ATP13A3: variants seen among roughly 807,000 people sequenced by gnomAD.
ATP13A3 encodes the protein ATPase 13A3.
ATP13A3 carries 59 observed loss-of-function variants against 158.1 expected under a neutral mutation model. That is an observed-to-expected ratio of 0.37 (90% CI 0.30 to 0.46). ATP13A3 has a LOEUF of 0.46. ATP13A3 is among the 20% of genes least tolerant of loss of function. The pLI is 1.00. For missense variants in ATP13A3, 1,166 were observed against 1,525.2 expected, an observed-to-expected ratio of 0.76 and a Z score of 3.92; for synonymous variants, 491 against 504.3, an observed-to-expected ratio of 0.97 and a Z score of 0.35.
At chr3:194,469,075 G>A (rs1720170213) in intron 2 of ATP13A3, among the ~76,000 whole-genome samples, 1 of 151,352 alleles carries the variant, frequency 6.6e-6, no homozygotes, top group South Asian at 2.1e-4. Flanking sequence ...GGAGGTTGCA[G>A]TAAGCCAAGA....
chr3:194,448,601 T>A lies in ATP13A3; in HGVS notation c.1006A>T (p.Asn336Tyr). Residue 336 changes from asparagine (N) to tyrosine (Y), a missense_variant, in exon 12 of 34, where the codon AAT becomes TAT. Around this residue, in one of 3 missense-constraint regions of ATP13A3, gnomAD observed 997 missense variants for 1,341.2 expected, o/e 0.74. Transcript: ENST00000645319. This position sits in a 1 kb window ranked among gnomAD's most constrained non-coding sequence, Gnocchi z 4.0. ...ATTCCTTTCACATCCACTGAAGGAT[T>A]TGGCAAATTAGTCTTTGTCACTGGA... ...SVPVTKTNLP[N>Y]PSVDVKGIGD... 1 of 1,613,316 alleles carries A rather than the reference T, an allele frequency of 6.2e-7. No homozygotes were observed. Among genetic ancestry groups the A allele is most frequent in the Non-Finnish European group, 8.5e-7 (1 of 1,179,782 alleles).
chr3:194,433,829 T>C lies in ATP13A3; in HGVS notation c.2188A>G (p.Thr730Ala). 1 of 1,614,072 alleles carries C rather than the reference T, an allele frequency of 6.2e-7. No individual in the cohort carries two copies. The highest frequency in any genetic ancestry group is 1.1e-5 in the South Asian group (1 of 91,078). Reference sequence around the variant, plus strand: ...TGCAAATCTTCAAGTACTGCAGGGGTTTCTTGCTTTAATTTGTTCTGCATT... The same window carrying C: ...TGCAAATCTTCAAGTACTGCAGGGGCTTCTTGCTTTAATTTGTTCTGCATT... ...IIMQNKLKQE[T>A]PAVLEDLHKA... The change falls in exon 21 of 34, where the codon ACC becomes GCC. Residue 730 changes from threonine (T) to alanine (A), a missense_variant. Coordinates refer to ENST00000645319, the MANE Select transcript of ATP13A3 (RefSeq NM_001367549.1).
Position 194,448,399 on chromosome 3 carries a change from T to G in ATP13A3, c.1150+58A>C, listed in dbSNP as rs2108899890. ...AGCCCAGAATCTCTTTTTAAACATT[T>G]AGTAGGTATCAAATATGCTGAAACA... On this transcript the variant is annotated intron_variant, in intron 12 of 33. Transcript: ENST00000645319. The surrounding 1 kb of genome is among the most constrained non-coding windows in gnomAD (Gnocchi z 4.0). 1.3e-6 allele frequency: 2 copies of G among 1,568,004 alleles called. No individual in the cohort carries two copies. Among genetic ancestry groups the G allele is most frequent in the Non-Finnish European group, 1.8e-6 (2 of 1,140,730 alleles).
At chr3:194,464,297 G>C (rs368168847) in intron 2 of ATP13A3, among the ~76,000 whole-genome samples, 1 of 152,172 alleles carries the variant, frequency 6.6e-6, no homozygotes, top group East Asian at 1.9e-4. Flanking sequence ...ACTGAACTCA[G>C]TGCCATTGTG....
chr3:194,464,139 C>T (rs1464470111), intron 2 of ATP13A3, among the ~76,000 whole-genome samples: 1 of 152,108 alleles, frequency 6.6e-6, no homozygotes, highest in Non-Finnish European at 1.5e-5. Flanking sequence ...CCAGCCTGGG[C>T]GACAGAGAAA....
intron 29 of ATP13A3, among the ~76,000 whole-genome samples, chr3:194,425,970 G>C (rs904426800): frequency 6.6e-6 from 1 of 152,064 alleles, no homozygotes; most frequent in Non-Finnish European, 1.5e-5. Flanking sequence ...GCGAGTCCCC[G>C]GTGCTGAGAT....
At chr3:194,414,966 G>A (rs956287519) in intron 31 of ATP13A3, among the ~76,000 whole-genome samples, 1 of 152,170 alleles carries the variant, frequency 6.6e-6, no homozygotes, top group Admixed American at 6.5e-5. Context: ...TACAGGTGAA[G>A]CCATGACTCT....
rs775789687 is a variant in ATP13A3 at position 194,453,695 on chromosome 3, C to G, written c.838+11G>C. On this transcript the variant is annotated intron_variant, in intron 10 of 33. Coordinates refer to ENST00000645319, the MANE Select transcript of ATP13A3 (RefSeq NM_001367549.1). ...TTTTTTGATTTATTCTTCCAACATT[C>G]AATTACTTACCTTCATTTACTCTAC... is the stretch of plus-strand genomic sequence containing the variant. 2 of 1,603,808 alleles carry G rather than the reference C, an allele frequency of 1.2e-6. No individual in the cohort carries two copies. The highest frequency in any genetic ancestry group is 1.7e-6 in the Non-Finnish European group (2 of 1,171,410).
chr3:194,463,431 T>C (rs536192075), intron 2 of ATP13A3, among the ~76,000 whole-genome samples: 2 of 152,318 alleles, frequency 1.3e-5, no homozygotes, highest in East Asian at 3.9e-4. Flanking sequence ...AATATAATTT[T>C]ATTTTTGTAA....
chr3:194,416,680 G>A (rs1448578380), intron 31 of ATP13A3, among the ~76,000 whole-genome samples: 1 of 152,050 alleles, frequency 6.6e-6, no homozygotes, highest in Non-Finnish European at 1.5e-5. Context: ...TACAGAAAAA[G>A]CACATAAAGA....
At chr3:194,436,067 T>C (rs903689959) in intron 20 of ATP13A3, among the ~76,000 whole-genome samples, 12 of 152,206 alleles carry the variant, frequency 7.9e-5, no homozygotes, top group Non-Finnish European at 1.6e-4. Flanking sequence ...TATAATATTA[T>C]ACCCATTTGT....
intron 17 of ATP13A3, 98 bp from the exon 18 acceptor site, chr3:194,437,671 G>C (rs1250654397): frequency 1.6e-6 from 2 of 1,247,646 alleles, no homozygotes; most frequent in African/African-American, 3.1e-5. Flanking sequence ...AACATTATTT[G>C]GAAAAGAAAC....
intron 7 of ATP13A3, among the ~76,000 whole-genome samples, chr3:194,456,763 G>A (rs534186231): frequency 1.5e-4 from 23 of 152,162 alleles, no homozygotes; most frequent in African/African-American, 5.5e-4. Context: ...GATCAAGAAA[G>A]ATAAAAATGC....
chr3:194,443,437 T>C (rs554807976), intron 15 of ATP13A3, among the ~76,000 whole-genome samples: 1 of 152,246 alleles, frequency 6.6e-6, no homozygotes, highest in South Asian at 2.1e-4. Context: ...AGAAATAATT[T>C]CTAATATATC....
chr3:194,467,463 C>T (rs57016611), intron 2 of ATP13A3, among the ~76,000 whole-genome samples: 19,564 of 152,134 alleles, frequency 0.13, 3,349 homozygotes, highest in African/African-American at 0.4. Flanking sequence ...TTCTCTAAAA[C>T]GTAGTTGTTT....
At chr3:194,460,889 G>A (rs1452243872) in intron 3 of ATP13A3, 58 bp from the exon 4 acceptor site, 1 of 1,520,370 alleles carries the variant, frequency 6.6e-7, no homozygotes, top group African/African-American at 1.4e-5. Context: ...ATATGGCAGA[G>A]AAACACATTC....
chr3:194,460,028 T>A (rs978558632), intron 4 of ATP13A3, 57 bp from the exon 5 acceptor site: 21 of 1,307,348 alleles, frequency 1.6e-5, no homozygotes, highest in Middle Eastern at 3.9e-4. Flanking sequence ...ACTGCCTATA[T>A]TTTCATTTAT....
upstream of ATP13A3, among the ~76,000 whole-genome samples, chr3:194,490,037 G>C (rs1257504494): frequency 1.3e-5 from 2 of 152,084 alleles, no homozygotes; most frequent in African/African-American, 2.4e-5. The surrounding 1 kb of genome is among the most constrained non-coding windows in gnomAD (Gnocchi z 4.4). Flanking sequence ...GCTGCATGGA[G>C]GTAACAGTCA....
At position 194,448,780 on chromosome 3, in the gene ATP13A3, A is replaced by G; in HGVS notation, c.971-144T>C. ...GTTTACAATAATCACTGAGAGTTGT[A>G]TATGTGGACAACATGGCTTAATTTT... On this transcript the variant is annotated intron_variant, in intron 11 of 33. Transcript: ENST00000645319. The surrounding 1 kb of genome is among the most constrained non-coding windows in gnomAD (Gnocchi z 4.0). 2 of 864,554 alleles carry G rather than the reference A, an allele frequency of 2.3e-6. No homozygotes were observed. Among genetic ancestry groups the G allele is most frequent in the Non-Finnish European group, 3.4e-6 (2 of 594,068 alleles). 53.6% of individuals were successfully genotyped at this position (864,554 alleles called of 1,614,324 possible). A position where few individuals can be genotyped will look rare whatever the true frequency, so the allele number is the denominator to read the frequency against.
Sources: allele counts gnomAD v4.1 joint callset (sites outside exome capture counted in the v4.1 genomes callset), GRCh38; gene constraint gnomAD v4.1.1; regional missense constraint gnomAD v4.1.1; non-coding constraint Gnocchi (gnomAD v3.1); transcripts MANE v1.5; gene names NCBI Gene and HGNC (gene_info 2026-07-23, HGNC 2026-07-21).